HSDL2: variants seen among roughly 807,000 people sequenced by gnomAD.
HSDL2 encodes hydroxysteroid dehydrogenase like 2, also known as hydroxysteroid dehydrogenase-like protein 2.
A neutral mutation model predicts 46.3 loss-of-function variants in HSDL2; 27 were observed. The observed-to-expected ratio is 0.58, with a 90% CI of 0.43 to 0.80. HSDL2 has a LOEUF of 0.80. Among genes scored for constraint, HSDL2 ranks in the 30% least tolerant of loss-of-function variants. The pLI is 0.00. For synonymous variants in HSDL2, 153 were observed against 163.6 expected (o/e 0.94, Z 0.50); for missense variants, 451 against 502.7 (o/e 0.90, Z 0.98).
chr9:112,451,848 A>G (rs1832891579), intron 8 of HSDL2, among the ~76,000 whole-genome samples: 1 of 152,130 alleles, frequency 6.6e-6, no homozygotes, highest in Admixed American at 6.6e-5. Flanking sequence ...GACAAAACTA[A>G]TATATGGTGT....
Position 112,471,626 on chromosome 9 carries a change from A to C in HSDL2, c.*1082A>C, listed in dbSNP as rs1833577225. ...GAGGATTGCTTGAGGCCAGGAGTTC[A>C]AGGCCAGCCTGGACAACATAGTAAG... On this transcript the variant is annotated 3_prime_UTR_variant, in exon 11 of 11. Coordinates refer to ENST00000398805, the MANE Select transcript of HSDL2 (RefSeq NM_032303.5). The C allele has an allele frequency of 6.6e-6, 1 of 152,254 alleles. No homozygotes were observed. The highest frequency in any genetic ancestry group is 2.1e-4 in the South Asian group (1 of 4,840). 9.4% of individuals were successfully genotyped at this position (152,254 alleles called of 1,614,324 possible).
chr9:112,416,774 T>TA (rs578174003), intron 4 of HSDL2, 67 bp from the exon 5 acceptor site: 33,614 of 598,244 alleles, frequency 0.056, no homozygotes, highest in South Asian at 0.068. Context: ...CCCCCTCTCT[T>TA]AAAAAAAAAA....
At chr9:112,380,578 A>C (rs1203694406) in intron 1 of HSDL2, among the ~76,000 whole-genome samples, 2 of 152,166 alleles carry the variant, frequency 1.3e-5, no homozygotes, top group African/African-American at 4.8e-5. Flanking sequence ...CCTGACGCTC[A>C]ATTCTAGAGT....
intron 4 of HSDL2, 58 bp from the exon 5 acceptor site, chr9:112,416,783 A>G: frequency 2.4e-6 from 2 of 845,728 alleles, no homozygotes; most frequent in Non-Finnish European, 3.9e-6. Flanking sequence ...TTAAAAAAAA[A>G]AGTGGAGAAA....
chr9:112,387,668 A>T (rs534962991), intron 1 of HSDL2, among the ~76,000 whole-genome samples: 1 of 152,318 alleles, frequency 6.6e-6, no homozygotes, highest in South Asian at 2.1e-4. Flanking sequence ...ATTGGTTGCA[A>T]GGGAAGGAAT....
chr9:112,438,417 T>A lies in HSDL2; in HGVS notation c.599-14T>A. On this transcript the variant is annotated splice_polypyrimidine_tract_variant and intron_variant, in intron 6 of 10. Coordinates refer to ENST00000398805, the MANE Select transcript of HSDL2 (RefSeq NM_032303.5). ...GGAGTTATGAGTGTATGTGTGTGTG[T>A]GTTTTCTCTACAGCCATACACACTG... The A allele has an allele frequency of 6.5e-7, 1 of 1,532,698 alleles. No homozygotes were observed. Among genetic ancestry groups the A allele is most frequent in the Non-Finnish European group, 8.8e-7 (1 of 1,139,180 alleles). 94.9% of individuals were successfully genotyped at this position (1,532,698 alleles called of 1,614,324 possible).
intron 4 of HSDL2, among the ~76,000 whole-genome samples, chr9:112,414,794 T>C (rs1831955523): frequency 6.6e-6 from 1 of 152,136 alleles, no homozygotes; most frequent in Non-Finnish European, 1.5e-5. Flanking sequence ...CCTTTGGAAA[T>C]GAAAACAGTA....
At chr9:112,458,346 C>T (rs1269777190) in intron 9 of HSDL2, among the ~76,000 whole-genome samples, 1 of 141,370 alleles carries the variant, frequency 7.1e-6, no homozygotes, top group African/African-American at 2.6e-5. Context: ...TCTTTTGAGA[C>T]GGAGTTTTGC....
intron 6 of HSDL2, among the ~76,000 whole-genome samples, chr9:112,429,168 G>A (rs1832324954): frequency 6.6e-6 from 1 of 152,148 alleles, no homozygotes; most frequent in Non-Finnish European, 1.5e-5. Flanking sequence ...AAAGGTGCGG[G>A]GATTACAGGC....
At chr9:112,408,031 T>G (rs1029461901) in intron 3 of HSDL2, among the ~76,000 whole-genome samples, 6 of 152,242 alleles carry the variant, frequency 3.9e-5, no homozygotes, top group Non-Finnish European at 5.9e-5. Flanking sequence ...GGTTTATTTT[T>G]TGTGTGTGTG....
intron 1 of HSDL2, among the ~76,000 whole-genome samples, chr9:112,386,990 T>A (rs1350862522): frequency 6.6e-6 from 1 of 152,174 alleles, no homozygotes; most frequent in African/African-American, 2.4e-5. Context: ...AACAGCCAGA[T>A]GTAATGTGAG....
At chr9:112,389,359 T>C (rs930036731) in intron 1 of HSDL2, among the ~76,000 whole-genome samples, 2 of 152,020 alleles carry the variant, frequency 1.3e-5, no homozygotes, top group African/African-American at 2.4e-5. Context: ...AAATAAGATA[T>C]AGAGAAGGAG....
rs1220043777 is a variant in HSDL2 at position 112,390,514 on chromosome 9, C to T, written c.17+10334C>T. ...CTGTCACCAAGCTGGAGTGCAGTGA[C>T]ATGATCATGGCTCACTGCAGCCTCG... is the stretch of plus-strand genomic sequence containing the variant. On this transcript the variant is annotated intron_variant, in intron 1 of 10. Transcript: ENST00000398805. Among the ~76,000 whole-genome samples the T allele has an allele frequency of 2.0e-5, 3 of 152,152 alleles. No individual in the cohort carries two copies. In the East Asian group the frequency reaches 5.8e-4, roughly 29 times the overall value.
intron 6 of HSDL2, among the ~76,000 whole-genome samples, chr9:112,425,846 A>G (rs1187159494): frequency 2.0e-5 from 3 of 151,154 alleles, no homozygotes; most frequent in Non-Finnish European, 4.4e-5. Flanking sequence ...TCCTGCCTCA[A>G]CCTCCTAAAT....
chr9:112,452,187 A>G (rs1436262128), intron 8 of HSDL2, among the ~76,000 whole-genome samples: 1 of 152,242 alleles, frequency 6.6e-6, no homozygotes, highest in African/African-American at 2.4e-5. Context: ...TCATAATGAA[A>G]GGCAATTTAT....
chr9:112,418,245 C>G (rs139038392), intron 5 of HSDL2, among the ~76,000 whole-genome samples: 1 of 151,890 alleles, frequency 6.6e-6, no homozygotes, highest in Non-Finnish European at 1.5e-5. Context: ...CAAAATAGTA[C>G]AGTGAAAAGT....
chr9:112,382,209 G>A (rs192156863), intron 1 of HSDL2, among the ~76,000 whole-genome samples: 330 of 152,342 alleles, frequency 2.2e-3, no homozygotes, highest in African/African-American at 7.6e-3. Flanking sequence ...GCAGTGAGCC[G>A]AGATCATGCC....
Position 112,404,855 on chromosome 9 carries a change from T to C in HSDL2, c.181+697T>C, listed in dbSNP as rs147172608. ...ACTGTGGTTATGTTAGAGGAATGCA[T>C]GTGAAGTGTTTATGAGTGAAATGAT... is the stretch of plus-strand genomic sequence containing the variant. On this transcript the variant is annotated intron_variant, in intron 2 of 10. Coordinates refer to ENST00000398805, the MANE Select transcript of HSDL2 (RefSeq NM_032303.5). 6.1e-3 allele frequency among the ~76,000 whole-genome samples: 928 copies of C among 152,318 alleles called. 44 individuals are homozygous for C. In the South Asian group the frequency reaches 0.12, roughly 19 times the overall value.
chr9:112,396,269 A>C (rs1357482535), intron 1 of HSDL2, among the ~76,000 whole-genome samples: 1 of 152,194 alleles, frequency 6.6e-6, no homozygotes, highest in East Asian at 1.9e-4. Context: ...GAACTTCATC[A>C]GCTTTTCCAA....
Sources: allele counts gnomAD v4.1 joint callset (sites outside exome capture counted in the v4.1 genomes callset), GRCh38; gene constraint gnomAD v4.1.1; transcripts MANE v1.5; gene names NCBI Gene and HGNC (gene_info 2026-07-23, HGNC 2026-07-21).